The following TMEM132B variants were observed in gnomAD, a reference collection of about 807,000 sequenced individuals.
The protein encoded by TMEM132B is transmembrane protein 132B.
A neutral mutation model predicts 90.8 loss-of-function variants in TMEM132B; 18 were observed. That is an observed-to-expected ratio of 0.20 (90% CI 0.14 to 0.29). The LOEUF (loss-of-function observed/expected upper bound fraction) is 0.29. Among genes scored for constraint, TMEM132B ranks in the 10% least tolerant of loss-of-function variants. TMEM132B has a pLI of 1.00. For missense variants in TMEM132B, 1,096 were observed against 1,326.8 expected (o/e 0.83, Z 2.70); for synonymous variants, 504 against 523.3 (o/e 0.96, Z 0.50).
intron 3 of TMEM132B, among the ~76,000 whole-genome samples, chr12:125,442,708 G>T (rs1442153299): frequency 1.3e-5 from 2 of 152,188 alleles, no homozygotes; most frequent in East Asian, 3.8e-4. Context: ...ACTGCCCTGA[G>T]CCAGGATGAC....
At chr12:125,311,184 G>T (rs1876114548) in intron 1 of TMEM132B, among the ~76,000 whole-genome samples, 1 of 152,192 alleles carries the variant, frequency 6.6e-6, no homozygotes, top group South Asian at 2.1e-4. Flanking sequence ...TCTTACGGAT[G>T]CTCCTGGCTC....
At chr12:125,565,831 G>C (rs950236624) in intron 4 of TMEM132B, among the ~76,000 whole-genome samples, 1 of 152,214 alleles carries the variant, frequency 6.6e-6, no homozygotes, top group African/African-American at 2.4e-5. Flanking sequence ...GGGCATGGAA[G>C]GCTAAAAGGC....
intron 3 of TMEM132B, among the ~76,000 whole-genome samples, chr12:125,480,037 AT>A (rs538493064): frequency 1.9e-3 from 296 of 152,358 alleles, no homozygotes; most frequent in Middle Eastern, 3.4e-3. Context: ...GAAGACAGAA[AT>A]AAAGATGTTC....
At chr12:125,590,529 G>C (rs184178826) in intron 5 of TMEM132B, among the ~76,000 whole-genome samples, 28 of 152,330 alleles carry the variant, frequency 1.8e-4, no homozygotes, top group Non-Finnish European at 3.1e-4. Flanking sequence ...GTTCCCTGTA[G>C]TCAAAGGGAT....
intron 1 of TMEM132B, among the ~76,000 whole-genome samples, chr12:125,254,847 CTAATACTTTG>C (rs1754393041): frequency 6.6e-6 from 1 of 152,052 alleles, no homozygotes; most frequent in Admixed American, 6.5e-5. Context: ...CCACACCCGG[CTAATACTTTG>C]TGTTTTTAGT....
chr12:125,542,025 C>CAAAAAA (rs71306285), intron 4 of TMEM132B, among the ~76,000 whole-genome samples: 4 of 23,294 alleles, frequency 1.7e-4, no homozygotes, highest in East Asian at 1.1e-3. Flanking sequence ...ACCCCCGTCT[C>CAAAAAA]AAAAAAAAAA....
intron 4 of TMEM132B, among the ~76,000 whole-genome samples, chr12:125,553,481 C>T (rs142649931): frequency 7.4e-4 from 112 of 152,298 alleles, no homozygotes; most frequent in African/African-American, 2.5e-3. Context: ...AGTAGGGTTA[C>T]GAGCAGGTCC....
intron 1 of TMEM132B, among the ~76,000 whole-genome samples, chr12:125,257,123 G>A (rs1874454525): frequency 6.6e-6 from 1 of 152,138 alleles, no homozygotes; most frequent in African/African-American, 2.4e-5. Flanking sequence ...GACCCACTGG[G>A]AAACATAGCA....
chr12:125,329,992 T>C (rs1319400397), intron 1 of TMEM132B, among the ~76,000 whole-genome samples: 1 of 152,230 alleles, frequency 6.6e-6, no homozygotes, highest in Non-Finnish European at 1.5e-5. Context: ...AGGGTTTCAA[T>C]GCAGTAGCCC....
intron 3 of TMEM132B, among the ~76,000 whole-genome samples, chr12:125,485,875 CAATTAGA>C (rs1364351345): frequency 2.4e-4 from 37 of 152,194 alleles, no homozygotes; most frequent in Non-Finnish European, 4.1e-4. Flanking sequence ...TTCGAAGAAC[CAATTAGA>C]GTCCACCTCG....
intron 1 of TMEM132B, among the ~76,000 whole-genome samples, chr12:125,344,655 C>T (rs767717422): frequency 5.3e-5 from 8 of 152,106 alleles, no homozygotes; most frequent in Admixed American, 3.3e-4. Flanking sequence ...GCTGAACACA[C>T]GTGGAAGGAG....
At chr12:125,515,054 AGGT>A (rs1883074312) in intron 3 of TMEM132B, among the ~76,000 whole-genome samples, 2 of 152,190 alleles carry the variant, frequency 1.3e-5, no homozygotes, top group Non-Finnish European at 2.9e-5. Context: ...TTTGGAAGGA[AGGT>A]GTGTGCTCTA....
At chr12:125,239,121 T>C (rs1425923308) in intron 1 of TMEM132B, among the ~76,000 whole-genome samples, 2 of 151,748 alleles carry the variant, frequency 1.3e-5, no homozygotes, top group African/African-American at 4.8e-5. Flanking sequence ...GAGGAGGTGA[T>C]GGATGGACAA....
intron 1 of TMEM132B, among the ~76,000 whole-genome samples, chr12:125,318,327 T>C (rs899830590): frequency 2.6e-5 from 4 of 151,788 alleles, no homozygotes; most frequent in Non-Finnish European, 5.9e-5. Flanking sequence ...TCTTTTTTTT[T>C]TTTCAAACAG....
At chr12:125,385,198 G>T (rs1878793770) in intron 2 of TMEM132B, among the ~76,000 whole-genome samples, 1 of 152,104 alleles carries the variant, frequency 6.6e-6, no homozygotes, top group African/African-American at 2.4e-5. Flanking sequence ...GATGTAGATT[G>T]TTTTCTTTTG....
At chr12:125,375,804 T>G (rs150485703) in intron 2 of TMEM132B, among the ~76,000 whole-genome samples, 16 of 152,392 alleles carry the variant, frequency 1.0e-4, no homozygotes, top group African/African-American at 3.8e-4. Context: ...CTGTGAATTC[T>G]TCATTTTGTT....
In TMEM132B at chr12:125,490,814, A is replaced by G. The variant is rs1474882290; in HGVS notation, c.1107-28625A>G. 1.3e-5 allele frequency among the ~76,000 whole-genome samples: 2 copies of G among 152,208 alleles called. No individual in the cohort carries two copies. Among genetic ancestry groups the G allele is most frequent in the African/African-American group, 2.4e-5 (1 of 41,438 alleles). ...GCAGGACTTAGTGACTTACTTCTGTAAAGTACTCTATGGTGAAAGCAATGT... is the reference window on the plus strand; with the variant it reads ...GCAGGACTTAGTGACTTACTTCTGTGAAGTACTCTATGGTGAAAGCAATGT... On this transcript the variant is annotated intron_variant, in intron 3 of 8. Transcript: ENST00000682704. This position sits in a 1 kb window ranked among gnomAD's most constrained non-coding sequence, Gnocchi z 4.2.
At chr12:125,375,499 T>C (rs914530580) in intron 2 of TMEM132B, among the ~76,000 whole-genome samples, 1 of 152,238 alleles carries the variant, frequency 6.6e-6, no homozygotes, top group African/African-American at 2.4e-5. Context: ...CATCTTTGCT[T>C]TTCATCTTGA....
intron 3 of TMEM132B, among the ~76,000 whole-genome samples, chr12:125,422,104 A>G (rs892830054): frequency 2.0e-5 from 3 of 152,244 alleles, no homozygotes; most frequent in African/African-American, 7.2e-5. Flanking sequence ...TAAAAAATCT[A>G]TTGAAAAACC....
Sources: gnomAD v4.1 joint callset for allele counts (sites outside exome capture counted in the v4.1 genomes callset) on GRCh38, gnomAD v4.1.1 for gene constraint, Gnocchi (gnomAD v3.1) non-coding constraint, MANE v1.5 for transcripts, NCBI Gene and HGNC (gene_info 2026-07-23, HGNC 2026-07-21) for gene names.